The following USP20 variants were observed in gnomAD, a reference collection of about 807,000 sequenced individuals.
The protein encoded by USP20 is ubiquitin carboxyl-terminal hydrolase 20.
Under a neutral mutation model 124.2 loss-of-function variants are expected in USP20, and 80 were observed. The ratio of observed to expected loss-of-function variants is 0.64; its 90% CI spans 0.54 to 0.78. USP20 has a LOEUF of 0.78. USP20 is among the 30% of genes least tolerant of loss of function. The pLI, the probability that USP20 is intolerant of heterozygous loss-of-function variation, is 0.00. For missense variants in USP20, 1,043 were observed against 1,244.4 expected, an observed-to-expected ratio of 0.84 and a Z score of 2.44; for synonymous variants, 481 against 512.3, an observed-to-expected ratio of 0.94 and a Z score of 0.83.
rs1331462626 is a variant in USP20, at chr9:129,867,994, C to T, written c.691-11C>T. 1.4e-5 allele frequency: 22 copies of T among 1,606,448 alleles called. No homozygotes were observed. In the South Asian group the frequency reaches 2.3e-4, roughly 17 times the overall value. The stretch of plus-strand genomic sequence containing the variant: ...CCAGGGGAGCCCTGTTGATGCAGCC[C>T]CTGGTTCTAGGACACCCAAGAGTTC... On this transcript the variant is annotated splice_polypyrimidine_tract_variant and intron_variant, in intron 10 of 25. Transcript: ENST00000372429.
chr9:129,854,148 T>C (rs1438098497), intron 3 of USP20, among the ~76,000 whole-genome samples: 1 of 152,244 alleles, frequency 6.6e-6, no homozygotes, highest in Non-Finnish European at 1.5e-5. Context: ...GGAAAGAGAC[T>C]GATCCCATTC....
intron 2 of USP20, among the ~76,000 whole-genome samples, chr9:129,850,980 A>T (rs1223761308): frequency 1.3e-5 from 2 of 152,218 alleles, no homozygotes; most frequent in East Asian, 3.9e-4. Flanking sequence ...AGACTCATGC[A>T]GTCACAGAGG....
intron 1 of USP20, among the ~76,000 whole-genome samples, chr9:129,841,838 G>A (rs1000444010): frequency 6.6e-6 from 1 of 152,128 alleles, no homozygotes; most frequent in South Asian, 2.1e-4. Flanking sequence ...TGAGTCCCCT[G>A]CGGTGTGTCT....
chr9:129,840,967 C>T lies in USP20; in HGVS notation c.-129+5468C>T, dbSNP rs1051670722. ...TGTATTTTTAGTAGAGACGGGGTTTCACCACGTTGGCCAGGTTTGTCTCAA... is the reference window on the plus strand; with the variant it reads ...TGTATTTTTAGTAGAGACGGGGTTTTACCACGTTGGCCAGGTTTGTCTCAA... On this transcript the variant is annotated intron_variant, in intron 1 of 25. Transcript: ENST00000372429. Among the ~76,000 whole-genome samples the T allele has an allele frequency of 6.6e-5, 10 of 152,182 alleles. No individual in the cohort carries two copies. The East Asian group carries it at 1.9e-3, about 29-fold the overall frequency.
At chr9:129,878,887 C>T (rs2034521131) in intron 23 of USP20, among the ~76,000 whole-genome samples, 1 of 152,264 alleles carries the variant, frequency 6.6e-6, no homozygotes, top group Non-Finnish European at 1.5e-5. Flanking sequence ...ATTAAACCTG[C>T]ATTAAAAATT....
At chr9:129,871,442 G>A (rs978853242) in intron 15 of USP20, among the ~76,000 whole-genome samples, 1 of 152,176 alleles carries the variant, frequency 6.6e-6, no homozygotes, top group Non-Finnish European at 1.5e-5. Flanking sequence ...GGACACTCAG[G>A]CCGCTTCCCT....
intron 6 of USP20, among the ~76,000 whole-genome samples, chr9:129,859,852 G>A (rs2033443507): frequency 6.6e-6 from 1 of 152,020 alleles, no homozygotes; most frequent in Non-Finnish European, 1.5e-5. Flanking sequence ...CTGGGCAACA[G>A]CGTGAGACCC....
At chr9:129,863,964 G>T (rs2033691543) in intron 9 of USP20, among the ~76,000 whole-genome samples, 1 of 152,064 alleles carries the variant, frequency 6.6e-6, no homozygotes, top group African/African-American at 2.4e-5. Context: ...AAATTAGCTG[G>T]GTGTGGTGGC....
At chr9:129,853,311 A>G (rs2033032131) in intron 3 of USP20, among the ~76,000 whole-genome samples, 1 of 152,178 alleles carries the variant, frequency 6.6e-6, no homozygotes, top group Non-Finnish European at 1.5e-5. Context: ...ATGACAGTGT[A>G]TCTTGGAGCT....
rs1283636511 is a variant in USP20, at chr9:129,869,388, C to T, written c.1355C>T (p.Ser452Phe). The T allele has an allele frequency of 1.2e-6, 2 of 1,613,714 alleles. No individual in the cohort carries two copies. ...GTCATCTCAGACATCTTTGACGGCT[C>T]CATTCTCAGCCTTGTGCAGTGTCTC... ...RSVISDIFDGSILSLVQCLTC... is the reference protein window; with the variant it reads ...RSVISDIFDGFILSLVQCLTC... The change falls in exon 13 of 26, where the codon TCC (serine) becomes TTC (phenylalanine). Residue 452 changes from serine to phenylalanine, a missense_variant. Ser to Phe is a radical substitution (Grantham distance 155, BLOSUM62 -2). Coordinates refer to ENST00000372429, the MANE Select transcript of USP20 (RefSeq NM_001110303.4).
intron 3 of USP20, among the ~76,000 whole-genome samples, chr9:129,855,519 A>G (rs1300963085): frequency 1.3e-5 from 2 of 152,100 alleles, no homozygotes; most frequent in Non-Finnish European, 2.9e-5. Flanking sequence ...CATTCTCAAC[A>G]TGTGGCTTTC....
intron 15 of USP20, 58 bp from the exon 16 acceptor site, chr9:129,873,424 T>C (rs2034228656): frequency 6.2e-7 from 1 of 1,601,246 alleles, no homozygotes; most frequent in East Asian, 2.2e-5. Flanking sequence ...AGTCACTTTT[T>C]TTTGCTCCCT....
intron 1 of USP20, among the ~76,000 whole-genome samples, chr9:129,844,137 C>T (rs1021092332): frequency 6.6e-6 from 1 of 152,102 alleles, no homozygotes; most frequent in Non-Finnish European, 1.5e-5. Context: ...AACACACATA[C>T]ACAAAATACA....
chr9:129,848,228 G>T (rs1441453387), intron 1 of USP20, among the ~76,000 whole-genome samples: 2 of 149,884 alleles, frequency 1.3e-5, no homozygotes, highest in African/African-American at 4.9e-5. Context: ...CCCGGGAGGC[G>T]GAGGTTGCGG....
At chr9:129,856,003 G>A (rs1364696075) in intron 3 of USP20, among the ~76,000 whole-genome samples, 3 of 152,180 alleles carry the variant, frequency 2.0e-5, no homozygotes, top group Non-Finnish European at 2.9e-5. Flanking sequence ...GCGTGTTAAC[G>A]AGTCTCTTAC....
In USP20 at chr9:129,869,325, C is replaced by T; in HGVS notation, c.1292C>T (p.Ala431Val). 1.9e-6 allele frequency: 3 copies of T among 1,613,658 alleles called. No individual in the cohort carries two copies. Among genetic ancestry groups the T allele is most frequent in the Non-Finnish European group, 1.7e-6 (2 of 1,179,992 alleles). ...GTGTCCCCAGCCCAGGTATTGAGTGCTGGCAGCCGGAGGCGGAAGGAGCAG... is the reference window on the plus strand; with the variant it reads ...GTGTCCCCAGCCCAGGTATTGAGTGTTGGCAGCCGGAGGCGGAAGGAGCAG... ...YVLKKAQVLS[A>V]GSRRRKEQRY... is the part of the protein sequence containing the mutation. The change falls in exon 13 of 26, where the codon GCT becomes GTT. Residue 431 changes from alanine (A) to valine (V), a missense_variant. Ala to Val is a moderately conservative substitution (Grantham distance 64). Transcript: ENST00000372429.
intron 2 of USP20, among the ~76,000 whole-genome samples, chr9:129,850,441 G>T (rs1588249616): frequency 6.6e-6 from 1 of 152,158 alleles, no homozygotes; most frequent in East Asian, 1.9e-4. Flanking sequence ...ACGATTGCTG[G>T]AAGAGTTTTT....
intron 6 of USP20, among the ~76,000 whole-genome samples, chr9:129,860,026 A>C (rs773306036): frequency 2.0e-5 from 3 of 150,038 alleles, no homozygotes; most frequent in Non-Finnish European, 4.4e-5. Flanking sequence ...GCAAGACTCT[A>C]TCTCTTAAAA....
chr9:129,858,502 G>A lies in USP20; in HGVS notation c.234G>A (p.Thr78=), dbSNP rs571480207. 9 of 1,614,214 alleles carry A rather than the reference G, an allele frequency of 5.6e-6. No homozygotes were observed. The highest frequency in any genetic ancestry group is 4.4e-5 in the South Asian group (4 of 91,092). ...KKHNLTVNLT[T]FRLWCYACEK... Reference sequence around the variant, plus strand: ...ACAACTTGACCGTGAACCTGACCACGTTCCGACTGTGGTGTTACGCCTGTG... The same window carrying A: ...ACAACTTGACCGTGAACCTGACCACATTCCGACTGTGGTGTTACGCCTGTG... The change falls in exon 6 of 26, where the codon ACG becomes ACA. Residue 78 remains threonine (T), a synonymous_variant. Transcript: ENST00000372429.
Sources: allele counts gnomAD v4.1 joint callset (sites outside exome capture counted in the v4.1 genomes callset), GRCh38; gene constraint gnomAD v4.1.1; transcripts MANE v1.5; gene names NCBI Gene and HGNC (gene_info 2026-07-23, HGNC 2026-07-21).